CLEC16A: variants seen among roughly 807,000 people sequenced by gnomAD.
CLEC16A encodes the protein protein CLEC16A.
In CLEC16A, 51 loss-of-function variants were observed where a neutral mutation model predicts 109.5. The ratio of observed to expected loss-of-function variants is 0.47; its 90% CI spans 0.37 to 0.59. CLEC16A has a LOEUF of 0.59. Ranked by LOEUF, CLEC16A falls within the 20% of genes least tolerant of loss-of-function variation. The pLI is 0.00. For synonymous variants in CLEC16A, 673 were observed against 564.2 expected, an observed-to-expected ratio of 1.19 and a Z score of -2.73; for missense variants, 1,339 against 1,394.0, an observed-to-expected ratio of 0.96 and a Z score of 0.63.
At chr16:10,956,133 G>A (rs1331025667) in intron 1 of CLEC16A, among the ~76,000 whole-genome samples, 5 of 152,190 alleles carry the variant, frequency 3.3e-5, no homozygotes, top group Admixed American at 3.3e-4. Context: ...CCCTCCCGCA[G>A]CCTTTTGGTA....
At chr16:11,151,163 C>T (rs1382526399) in intron 22 of CLEC16A, among the ~76,000 whole-genome samples, 3 of 152,190 alleles carry the variant, frequency 2.0e-5, no homozygotes, top group Admixed American at 6.5e-5. Flanking sequence ...TTACTTAATC[C>T]GCTTATACTG....
At chr16:10,950,622 G>A (rs910803753) in intron 1 of CLEC16A, among the ~76,000 whole-genome samples, 2 of 152,186 alleles carry the variant, frequency 1.3e-5, no homozygotes, top group Non-Finnish European at 2.9e-5. Flanking sequence ...TCCACCCTCC[G>A]TGAAGCTTCT....
At chr16:10,984,735 T>C (rs2146808689) in intron 10 of CLEC16A, among the ~76,000 whole-genome samples, 1 of 152,284 alleles carries the variant, frequency 6.6e-6, no homozygotes, top group Non-Finnish European at 1.5e-5. Flanking sequence ...TAAACTAGCG[T>C]TTGCTAAATG....
chr16:11,103,770 C>A (rs184677666), intron 19 of CLEC16A, among the ~76,000 whole-genome samples: 1 of 152,126 alleles, frequency 6.6e-6, no homozygotes, highest in Admixed American at 6.5e-5. Context: ...TCTTACCCAT[C>A]TCTGTGGTCC....
intron 13 of CLEC16A, among the ~76,000 whole-genome samples, chr16:11,038,239 A>G (rs112526533): frequency 7.2e-5 from 11 of 152,314 alleles, no homozygotes; most frequent in Middle Eastern, 3.4e-3. Context: ...CTTCAATGCT[A>G]TCTTCCACTA....
intron 13 of CLEC16A, among the ~76,000 whole-genome samples, chr16:11,039,319 A>G (rs2047191720): frequency 6.6e-6 from 1 of 152,182 alleles, no homozygotes; most frequent in South Asian, 2.1e-4. Flanking sequence ...ACATTTTTTG[A>G]TTTTTAAAAT....
intron 23 of CLEC16A, among the ~76,000 whole-genome samples, chr16:11,176,920 CTTTG>C (rs1213304292): frequency 6.6e-6 from 1 of 152,116 alleles, no homozygotes; most frequent in South Asian, 2.1e-4. Flanking sequence ...TTATTTCGTT[CTTTG>C]TTTTTCCATT....
At chr16:11,094,730 C>A (rs878966322) in intron 19 of CLEC16A, among the ~76,000 whole-genome samples, 1 of 152,184 alleles carries the variant, frequency 6.6e-6, no homozygotes, top group Non-Finnish European at 1.5e-5. Context: ...CTGCCTCTGC[C>A]GTGTAGTTTC....
At chr16:11,068,991 T>C (rs1007570545) in intron 19 of CLEC16A, among the ~76,000 whole-genome samples, 1 of 150,738 alleles carries the variant, frequency 6.6e-6, no homozygotes, top group Non-Finnish European at 1.5e-5. Flanking sequence ...ATTTTCTTTT[T>C]TTTTTTTTTT....
chr16:11,083,319 C>G (rs147138512), intron 19 of CLEC16A, among the ~76,000 whole-genome samples: 1 of 152,094 alleles, frequency 6.6e-6, no homozygotes, highest in Non-Finnish European at 1.5e-5. Context: ...GACACCACCA[C>G]GCCTGGATAA....
At chr16:11,027,898 GT>G (rs1312803730) in intron 13 of CLEC16A, 1 of 615,874 alleles carries the variant, frequency 1.6e-6, no homozygotes, top group Non-Finnish European at 2.9e-6. Context: ...GAAAGGAAGG[GT>G]CAAAGAAAAG....
At chr16:11,110,338 C>T (rs2051499023) in intron 19 of CLEC16A, among the ~76,000 whole-genome samples, 1 of 152,156 alleles carries the variant, frequency 6.6e-6, no homozygotes, top group Non-Finnish European at 1.5e-5. Flanking sequence ...TCAAGAATGA[C>T]AGGCACTGGG....
At chr16:11,116,823 A>C (rs2052026967) in intron 19 of CLEC16A, among the ~76,000 whole-genome samples, 1 of 152,204 alleles carries the variant, frequency 6.6e-6, no homozygotes, top group South Asian at 2.1e-4. Flanking sequence ...CTCCCAACAG[A>C]ACCTATTGGG....
At chr16:11,039,624 A>C (rs2047209770) in intron 13 of CLEC16A, 130 bp from the exon 14 acceptor site, 1 of 1,140,294 alleles carries the variant, frequency 8.8e-7, no homozygotes, top group Non-Finnish European at 1.2e-6. Context: ...AGAAAAGAAA[A>C]AGGAAAAGAA....
intron 22 of CLEC16A, among the ~76,000 whole-genome samples, chr16:11,147,383 G>C (rs1468336907): frequency 6.6e-6 from 1 of 152,196 alleles, no homozygotes; most frequent in Non-Finnish European, 1.5e-5. Context: ...GAATTCTTTG[G>C]AAAGGGAAAG....
intron 11 of CLEC16A, 51 bp downstream of exon 11, chr16:11,003,356 C>A: frequency 6.7e-7 from 1 of 1,495,230 alleles, no homozygotes. Context: ...AGCCAGCCCG[C>A]CAGCGAGGCT....
intron 8 of CLEC16A, 101 bp from the exon 9 acceptor site, chr16:10,979,228 G>C: frequency 9.6e-7 from 1 of 1,044,042 alleles, no homozygotes; most frequent in East Asian, 2.6e-5. Context: ...CAGTGGGACA[G>C]GACGCCTTTG....
intron 19 of CLEC16A, among the ~76,000 whole-genome samples, chr16:11,092,796 A>G (rs111308847): frequency 2.0e-5 from 3 of 152,250 alleles, no homozygotes; most frequent in African/African-American, 7.2e-5. Flanking sequence ...GAGCTTCTGA[A>G]ACTCTGTGGG....
At position 11,178,528 on chromosome 16, in the gene CLEC16A, C is replaced by G. The variant is rs1328365696; in HGVS notation, c.3000C>G (p.Asp1000Glu). ...TISLLCEDTA[D>E]TLSVESLTLV... Reference sequence around the variant, plus strand: ...CCCTGCTCTGCGAGGACACGGCTGACACGCTGAGCGTCGAATCGCTGACCC... The same window carrying G: ...CCCTGCTCTGCGAGGACACGGCTGAGACGCTGAGCGTCGAATCGCTGACCC... The change falls in exon 24 of 24, where the codon GAC becomes GAG. Residue 1000 changes from aspartate (D) to glutamate (E), a missense_variant. Physicochemically the swap from Asp to Glu is conservative, Grantham distance 45. Transcript: ENST00000409790. This position sits in a 1 kb window ranked among gnomAD's most constrained non-coding sequence, Gnocchi z 6.5. The G allele has an allele frequency of 1.9e-6, 3 of 1,613,316 alleles. No homozygotes were observed. Among genetic ancestry groups the G allele is most frequent in the Non-Finnish European group, 1.7e-6 (2 of 1,179,880 alleles).
Sources: gnomAD v4.1 joint callset for allele counts (sites outside exome capture counted in the v4.1 genomes callset) on GRCh38, gnomAD v4.1.1 for gene constraint, Gnocchi (gnomAD v3.1) non-coding constraint, MANE v1.5 for transcripts, NCBI Gene and HGNC (gene_info 2026-07-23, HGNC 2026-07-21) for gene names.